CEP72: variants seen among roughly 807,000 people sequenced by gnomAD.
CEP72 encodes the protein centrosomal protein of 72 kDa.
In CEP72, 78 loss-of-function variants were observed where a neutral mutation model predicts 65.7. The ratio of observed to expected loss-of-function variants is 1.19; its 90% CI spans 0.99 to 1.43. The LOEUF is 1.43. Among genes scored for constraint, CEP72 ranks in the 40% most tolerant of loss-of-function variants. The probability of loss-of-function intolerance (pLI) is 0.00; values close to 1 mark genes in which losing one functional copy is unlikely to be tolerated. For missense variants in CEP72, 914 were observed against 832.9 expected (o/e 1.10, Z -1.20); for synonymous variants, 358 against 351.7 (o/e 1.02, Z -0.20).
At chr5:639,850 G>C (rs572638473) in intron 8 of CEP72, among the ~76,000 whole-genome samples, 1 of 152,250 alleles carries the variant, frequency 6.6e-6, no homozygotes, top group Admixed American at 6.5e-5. Context: ...TCTCCCCGCA[G>C]ACCCTGGGCA....
intron 6 of CEP72, 120 bp downstream of exon 6, chr5:635,704 C>T: frequency 1.2e-6 from 1 of 806,264 alleles, no homozygotes; most frequent in Non-Finnish European, 2.0e-6. Context: ...AGTCCAAGAG[C>T]ACGGTGCCGG....
chr5:665,096 CG>C, intron 2 of CEP72: 4 of 1,607,566 alleles, frequency 2.5e-6, no homozygotes, highest in Non-Finnish European at 3.4e-6. Context: ...AGGCATGGAG[CG>C]GGGGCTACTT....
chr5:671,561 C>A (rs148812131), downstream of CEP72, among the ~76,000 whole-genome samples: 1,524 of 152,336 alleles, frequency 0.01, 16 homozygotes, highest in South Asian at 0.022. Flanking sequence ...ACTGGCCAAG[C>A]GCAGGAGACG....
chr5:649,077 T>C (rs1298680999), intron 11 of CEP72, among the ~76,000 whole-genome samples: 18 of 119,044 alleles, frequency 1.5e-4, no homozygotes, highest in South Asian at 1.0e-3. Context: ...GACTGTGAGG[T>C]GTGACTGTGA....
At chr5:637,466 T>C (rs1385560228) in intron 6 of CEP72, 51 bp from the exon 7 acceptor site, 2 of 1,536,848 alleles carry the variant, frequency 1.3e-6, no homozygotes, top group African/African-American at 1.4e-5. Context: ...TGCTGAACAC[T>C]GCACCCAGAG....
intron 11 of CEP72, among the ~76,000 whole-genome samples, chr5:652,235 A>G (rs1301731933): frequency 6.6e-6 from 1 of 152,178 alleles, no homozygotes; most frequent in African/African-American, 2.4e-5. Context: ...GCTCCCAAAC[A>G]TGGTGGCATT....
chr5:665,784 C>T (rs1336055473), intron 3 of CEP72, among the ~76,000 whole-genome samples: 1 of 150,144 alleles, frequency 6.7e-6, no homozygotes, highest in Non-Finnish European at 1.5e-5. Flanking sequence ...ATTCATGCCC[C>T]TTCTGACCAC....
chr5:626,707 G>C (rs541665450), intron 4 of CEP72, among the ~76,000 whole-genome samples: 38 of 152,142 alleles, frequency 2.5e-4, no homozygotes, highest in African/African-American at 8.9e-4. Flanking sequence ...CGTGCCTGTA[G>C]TCCCAGCTAC....
chr5:612,591 C>T lies in CEP72; in HGVS notation c.82+148C>T. 2.4e-6 allele frequency: 3 copies of T among 1,224,802 alleles called. No individual in the cohort carries two copies. In the South Asian group the frequency reaches 1.0e-4, roughly 42 times the overall value. The allele number at this position is 1,224,802 out of a possible 1,614,324, so 75.9% of individuals were successfully genotyped here. A position where few individuals can be genotyped will look rare whatever the true frequency, so the allele number is the denominator to read the frequency against. On this transcript the variant is annotated intron_variant, in intron 1 of 11. Transcript: ENST00000264935. ...GGAACGGTCGCGGGCGAGCGGGGCG[C>T]GCGTGTCCAGGTGAGCGACCCACCC...
Position 640,112 on chromosome 5 carries a change from T to A in CEP72, c.1343-296T>A, listed in dbSNP as rs143862499. 2.6e-5 allele frequency among the ~76,000 whole-genome samples: 4 copies of A among 152,332 alleles called. No homozygotes were observed. The East Asian group carries it at 7.7e-4, about 29-fold the overall frequency. ...GGTGGTTTCCACACAGGGCAGTCGG[T>A]GCTTGTGGAAGGCGCAGCGAGTTGT... On this transcript the variant is annotated intron_variant, in intron 8 of 11. Transcript: ENST00000264935.
At chr5:652,380 C>T (rs984092620) in intron 11 of CEP72, among the ~76,000 whole-genome samples, 1 of 152,276 alleles carries the variant, frequency 6.6e-6, no homozygotes, top group Admixed American at 6.5e-5. Context: ...CTAATGTGAC[C>T]GAGGTCAGTG....
At chr5:666,505 T>C (rs955840264) in intron 4 of CEP72, among the ~76,000 whole-genome samples, 2 of 152,190 alleles carry the variant, frequency 1.3e-5, no homozygotes, top group East Asian at 3.9e-4. Flanking sequence ...GCTCTGCCTG[T>C]GTGTGTTGGG....
chr5:628,665 C>CG (rs756512647), intron 4 of CEP72, among the ~76,000 whole-genome samples: 24 of 107,046 alleles, frequency 2.2e-4, no homozygotes, highest in African/African-American at 7.5e-4. Flanking sequence ...CTTTGTGCAG[C>CG]TTCTGGAGAA....
At chr5:620,343 C>T (rs2126737690) in intron 3 of CEP72, 82 bp downstream of exon 3, 1 of 1,177,136 alleles carries the variant, frequency 8.5e-7, no homozygotes, top group Non-Finnish European at 1.2e-6. Context: ...TGTCTGTGTG[C>T]TCAACGTCAC....
Position 623,589 on chromosome 5 carries a change from G to A in CEP72, c.404-882G>A, listed in dbSNP as rs78435465. On this transcript the variant is annotated intron_variant, in intron 3 of 11. Transcript: ENST00000264935. The surrounding 1 kb of genome is among the most constrained non-coding windows in gnomAD (Gnocchi z 5.3). ...TTTGGAACTGACTCAGAAGGGAAGC[G>A]AGTCTTGGTGGGCAGAGAGCTATGC... is the stretch of plus-strand genomic sequence containing the variant. 0.015 allele frequency among the ~76,000 whole-genome samples: 2,215 copies of A among 152,168 alleles called. 51 individuals are homozygous for A. Among genetic ancestry groups the A allele is most frequent in the African/African-American group, 0.05 (2,086 of 41,484 alleles).
chr5:619,324 A>G (rs1036850599), intron 2 of CEP72, among the ~76,000 whole-genome samples: 2 of 152,170 alleles, frequency 1.3e-5, no homozygotes, highest in Admixed American at 6.5e-5. Context: ...CGATGATTAT[A>G]TCTTTAAAGG....
chr5:666,129 G>GGGGCACAGGCGACTTC, intron 4 of CEP72: 5 of 1,606,620 alleles, frequency 3.1e-6, no homozygotes, highest in Non-Finnish European at 4.2e-6. Context: ...TCCCTCTACA[G>GGGGCACAGGCGACTTC]GGGCACAGGC....
At chr5:669,572 G>A (rs1253049718), downstream of CEP72, among the ~76,000 whole-genome samples, 2 of 152,132 alleles carry the variant, frequency 1.3e-5, no homozygotes, top group Non-Finnish European at 1.5e-5. Flanking sequence ...CGCCAGGCCT[G>A]ACTGCCAGCC....
intron 11 of CEP72, among the ~76,000 whole-genome samples, chr5:650,733 TG>T (rs766043598): frequency 0.078 from 807 of 10,288 alleles, no homozygotes; most frequent in Non-Finnish European, 0.087. Context: ...CTGTGAGGCG[TG>T]GACTGTGAGG....
Sources: gnomAD v4.1 joint callset for allele counts (sites outside exome capture counted in the v4.1 genomes callset) on GRCh38, gnomAD v4.1.1 for gene constraint, Gnocchi (gnomAD v3.1) non-coding constraint, MANE v1.5 for transcripts, NCBI Gene and HGNC (gene_info 2026-07-23, HGNC 2026-07-21) for gene names.